ADAMTS2: variants seen among roughly 807,000 people sequenced by gnomAD.
ADAMTS2 encodes the protein ADAM metallopeptidase with thrombospondin type 1 motif 2.
In ADAMTS2, 50 loss-of-function variants were observed where a neutral mutation model predicts 123.0. The observed-to-expected ratio is 0.41, with a 90% confidence interval of 0.32 to 0.51. The LOEUF is 0.51. ADAMTS2 is among the 20% of genes least tolerant of loss of function. ADAMTS2 has a pLI of 0.35. For missense variants in ADAMTS2, 1,494 were observed against 1,705.2 expected (o/e 0.88, Z 2.18); for synonymous variants, 678 against 695.4 (o/e 0.98, Z 0.39).
rs1407878773 is a variant in ADAMTS2 at position 179,272,789 on chromosome 5, G to A, written c.688+122C>T. On this transcript the variant is annotated intron_variant, in intron 3 of 21. Coordinates refer to ENST00000251582, the MANE Select transcript of ADAMTS2 (RefSeq NM_014244.5). This position sits in a 1 kb window ranked among gnomAD's most constrained non-coding sequence, Gnocchi z 5.8. ...GGCCCATTTCTGAGCCACTGAGACC[G>A]GGGCTCAGCCTCAGCAGCCAAGCTG... 14 of 1,300,516 alleles carry A rather than the reference G, an allele frequency of 1.1e-5. No individual in the cohort carries two copies. Among genetic ancestry groups the A allele is most frequent in the African/African-American group, 3.0e-5 (2 of 67,452 alleles). 80.6% of individuals were successfully genotyped at this position (1,300,516 alleles called of 1,614,324 possible).
intron 2 of ADAMTS2, among the ~76,000 whole-genome samples, chr5:179,300,813 TTA>T: frequency 6.6e-6 from 1 of 152,320 alleles, no homozygotes; most frequent in Admixed American, 6.5e-5. Flanking sequence ...TACATACAAC[TTA>T]ATTCAGTAAC....
chr5:179,161,345 G>A (rs886525155), intron 5 of ADAMTS2, among the ~76,000 whole-genome samples: 2 of 152,234 alleles, frequency 1.3e-5, no homozygotes, highest in African/African-American at 2.4e-5. Context: ...CGGTGCTAGA[G>A]CGTGGGCCTT....
intron 4 of ADAMTS2, among the ~76,000 whole-genome samples, chr5:179,200,680 T>G (rs1027364771): frequency 6.6e-5 from 10 of 152,094 alleles, no homozygotes; most frequent in Non-Finnish European, 1.5e-4. Flanking sequence ...CTCAGAAGAT[T>G]AACTTCTGGG....
intron 4 of ADAMTS2, among the ~76,000 whole-genome samples, chr5:179,190,170 T>C (rs564645296): frequency 5.9e-5 from 9 of 152,186 alleles, no homozygotes; most frequent in Admixed American, 2.6e-4. Context: ...CTTATATTAA[T>C]AAGAAAAACA....
At chr5:179,194,517 G>A (rs1211316757) in intron 4 of ADAMTS2, among the ~76,000 whole-genome samples, 2 of 152,206 alleles carry the variant, frequency 1.3e-5, no homozygotes, top group African/African-American at 4.8e-5. Flanking sequence ...GGAGAGGCGG[G>A]TGTGGCCAGG....
At chr5:179,283,968 T>C (rs1390572424) in intron 2 of ADAMTS2, among the ~76,000 whole-genome samples, 1 of 98,976 alleles carries the variant, frequency 1.0e-5, no homozygotes, top group Non-Finnish European at 2.0e-5. Flanking sequence ...ATTATTATTA[T>C]TATTATTATT....
rs767113296 is a variant in ADAMTS2, at chr5:179,161,119, C to T, written c.976-2240G>A. On this transcript the variant is annotated intron_variant, in intron 5 of 21. Coordinates refer to ENST00000251582, the MANE Select transcript of ADAMTS2 (RefSeq NM_014244.5). ...ATAACCTCACCTACTATAATTGATA[C>T]AGGAGGAAGGGAGTGGGTATCTGCA... Among the ~76,000 whole-genome samples, 99 of 152,168 alleles carry T rather than the reference C, an allele frequency of 6.5e-4. 1 individual carries two copies. The highest frequency in any genetic ancestry group is 1.2e-3 in the Non-Finnish European group (79 of 68,032).
intron 17 of ADAMTS2, 126 bp from the exon 18 acceptor site, chr5:179,126,256 G>A (rs1762856162): frequency 1.4e-6 from 2 of 1,393,894 alleles, no homozygotes; most frequent in South Asian, 2.4e-5. Flanking sequence ...GACAATAAGG[G>A]TGGGCAGGGC....
chr5:179,137,826 G>T lies in ADAMTS2; in HGVS notation c.1894C>A (p.Leu632Met), dbSNP rs1763092530. 1.3e-6 allele frequency: 2 copies of T among 1,577,384 alleles called. No individual in the cohort carries two copies. Among genetic ancestry groups the T allele is most frequent in the African/African-American group, 2.7e-5 (2 of 73,982 alleles). Residue 632 changes from leucine to methionine, a missense_variant, in exon 12 of 22, where the codon CTG becomes ATG. Transcript: ENST00000251582. ...TGGGCGTCGCCGTGCTCGAAGTACA[G>T]GTCCCACTGGCGGCACTGCTCCTCG... ...FREEQCRQWD[L>M]YFEHGDAQHH...
Position 179,112,015 on chromosome 5 carries a change from C to T in ADAMTS2, c.*1852G>A, listed in dbSNP as rs1762575007. On this transcript the variant is annotated 3_prime_UTR_variant, in exon 22 of 22. Coordinates refer to ENST00000251582, the MANE Select transcript of ADAMTS2 (RefSeq NM_014244.5). The stretch of plus-strand genomic sequence containing the variant: ...GTGGAGGGCGGGAGGCTAGCCATCA[C>T]CCAGGTGGAGACTGAAGCATCAGCC... 6.6e-6 allele frequency: 1 copy of T among 152,366 alleles called. No individual in the cohort carries two copies. 9.4% of individuals were successfully genotyped at this position (152,366 alleles called of 1,614,324 possible).
At chr5:179,171,553 C>T (rs1433159399) in intron 5 of ADAMTS2, among the ~76,000 whole-genome samples, 1 of 152,228 alleles carries the variant, frequency 6.6e-6, no homozygotes, top group Admixed American at 6.5e-5. Flanking sequence ...AGCGGGCAGG[C>T]CCGGCTCTTC....
In ADAMTS2 at chr5:179,132,739, C is replaced by G. The variant is rs1258294365; in HGVS notation, c.2209+38G>C. 6.2e-7 allele frequency: 1 copy of G among 1,613,596 alleles called. No individual in the cohort carries two copies. Among genetic ancestry groups the G allele is most frequent in the East Asian group, 2.2e-5 (1 of 44,884 alleles). Reference sequence around the variant, plus strand: ...TGTCCGGGCATGAGCCTGCTGCAGGCATCCAGGCTCCAGGGTGGAGAGCAG... The same window carrying G: ...TGTCCGGGCATGAGCCTGCTGCAGGGATCCAGGCTCCAGGGTGGAGAGCAG... On this transcript the variant is annotated intron_variant, in intron 14 of 21. Transcript: ENST00000251582. This position sits in a 1 kb window ranked among gnomAD's most constrained non-coding sequence, Gnocchi z 6.1.
chr5:179,288,695 C>A (rs766854294), intron 2 of ADAMTS2, among the ~76,000 whole-genome samples: 2 of 152,248 alleles, frequency 1.3e-5, no homozygotes, highest in Non-Finnish European at 2.9e-5. Flanking sequence ...CCAGCAATGA[C>A]CAAAGGCGCC....
rs1002634621 is a variant in ADAMTS2 at position 179,228,923 on chromosome 5, G to C, written c.689-21208C>G. The stretch of plus-strand genomic sequence containing the variant: ...ACCTGAGAACAGCTCAGTCAGTCTG[G>C]CTGGATCCTGAGCTCCTCCCCCGGC... On this transcript the variant is annotated intron_variant, in intron 3 of 21. Transcript: ENST00000251582. This position sits in a 1 kb window ranked among gnomAD's most constrained non-coding sequence, Gnocchi z 5.2. Among the ~76,000 whole-genome samples, 7 of 152,216 alleles carry C rather than the reference G, an allele frequency of 4.6e-5. No individual in the cohort carries two copies. Among genetic ancestry groups the C allele is most frequent in the Non-Finnish European group, 8.8e-5 (6 of 68,034 alleles).
intron 4 of ADAMTS2, among the ~76,000 whole-genome samples, chr5:179,195,061 G>A (rs766608108): frequency 2.4e-4 from 36 of 152,278 alleles, no homozygotes; most frequent in Non-Finnish European, 4.3e-4. Flanking sequence ...CTTGTCCGAG[G>A]AGCCTTCCCT....
intron 2 of ADAMTS2, among the ~76,000 whole-genome samples, chr5:179,299,807 ATG>A (rs994924451): frequency 4.6e-5 from 7 of 151,914 alleles, no homozygotes; most frequent in Non-Finnish European, 8.8e-5. Context: ...TTCTACTTTT[ATG>A]AATCCTTGTC....
intron 10 of ADAMTS2, among the ~76,000 whole-genome samples, chr5:179,141,115 G>A (rs1395018401): frequency 2.0e-5 from 3 of 151,954 alleles, no homozygotes; most frequent in Admixed American, 6.6e-5. Context: ...GCGCCCGGCC[G>A]ACTGCATACT....
In ADAMTS2 at chr5:179,113,591, C is replaced by T. The variant is rs1482960603; in HGVS notation, c.*276G>A. On this transcript the variant is annotated 3_prime_UTR_variant, in exon 22 of 22. Transcript: ENST00000251582. ...CTCAGAGTGATCCCTCTTGCCCTGCCCTCACTGAGGGAGGCCATACAGCCT... is the reference window on the plus strand; with the variant it reads ...CTCAGAGTGATCCCTCTTGCCCTGCTCTCACTGAGGGAGGCCATACAGCCT... 1.0e-5 allele frequency: 5 copies of T among 498,154 alleles called. No individual in the cohort carries two copies. In the East Asian group the frequency reaches 1.9e-4, roughly 19 times the overall value. 30.9% of individuals were successfully genotyped at this position (498,154 alleles called of 1,614,324 possible). A position where few individuals can be genotyped will look rare whatever the true frequency, so the allele number is the denominator to read the frequency against.
rs1764136705 is a variant in ADAMTS2, at chr5:179,185,020, T to C, written c.892-3865A>G. On this transcript the variant is annotated intron_variant, in intron 4 of 21. Coordinates refer to ENST00000251582, the MANE Select transcript of ADAMTS2 (RefSeq NM_014244.5). The surrounding 1 kb of genome is among the most constrained non-coding windows in gnomAD (Gnocchi z 5.9). The stretch of plus-strand genomic sequence containing the variant: ...CTCAGCAAAGCAGGGATGGCGCTCC[T>C]GGCAGAGGAGGCAGCCCATGCAAAC... Among the ~76,000 whole-genome samples, 1 of 152,160 alleles carries C rather than the reference T, an allele frequency of 6.6e-6. No homozygotes were observed. The highest frequency in any genetic ancestry group is 2.4e-5 in the African/African-American group (1 of 41,442).
Sources: gnomAD v4.1 joint callset for allele counts (sites outside exome capture counted in the v4.1 genomes callset) on GRCh38, gnomAD v4.1.1 for gene constraint, Gnocchi (gnomAD v3.1) non-coding constraint, MANE v1.5 for transcripts, NCBI Gene and HGNC (gene_info 2026-07-23, HGNC 2026-07-21) for gene names.